The following PHF21A variants were observed in gnomAD, a reference collection of about 807,000 sequenced individuals.
The protein encoded by PHF21A is BHC80a.
PHF21A carries 11 observed loss-of-function variants against 82.5 expected under a neutral mutation model. The observed-to-expected ratio is 0.13, with a 90% confidence interval of 0.08 to 0.22. The LOEUF (loss-of-function observed/expected upper bound fraction) is 0.22. Ranked by LOEUF, PHF21A falls within the 10% of genes least tolerant of loss-of-function variation. The pLI is 1.00. For synonymous variants in PHF21A, 297 were observed against 302.8 expected (o/e 0.98, Z 0.20); for missense variants, 579 against 837.8 (o/e 0.69, Z 3.81).
At chr11:46,070,866 T>C (rs965129878) in intron 6 of PHF21A, among the ~76,000 whole-genome samples, 2 of 152,230 alleles carry the variant, frequency 1.3e-5, no homozygotes, top group Admixed American at 6.5e-5. Context: ...TGCATATCAA[T>C]ACATCTTCCA....
chr11:46,069,631 A>C (rs1234255483), intron 6 of PHF21A, among the ~76,000 whole-genome samples: 1 of 152,234 alleles, frequency 6.6e-6, no homozygotes, highest in Non-Finnish European at 1.5e-5. Context: ...ATTTCAAAAA[A>C]TATTTGATAG....
At chr11:46,032,959 T>A (rs1391547414) in intron 6 of PHF21A, among the ~76,000 whole-genome samples, 1 of 152,186 alleles carries the variant, frequency 6.6e-6, no homozygotes, top group Non-Finnish European at 1.5e-5. Context: ...TTTTGGTACC[T>A]CTGAATCCCT....
intron 15 of PHF21A, among the ~76,000 whole-genome samples, chr11:45,939,116 G>A (rs935529771): frequency 3.3e-5 from 5 of 152,222 alleles, no homozygotes; most frequent in Admixed American, 2.6e-4. Flanking sequence ...ACAGGCGTGA[G>A]CCACTGCACC....
intron 6 of PHF21A, among the ~76,000 whole-genome samples, chr11:46,033,680 T>C (rs1359473348): frequency 6.6e-6 from 1 of 152,238 alleles, no homozygotes; most frequent in Admixed American, 6.5e-5. Context: ...CCACTAGCCA[T>C]ATATGGCTAT....
chr11:46,103,883 G>A (rs1428497727), intron 1 of PHF21A, among the ~76,000 whole-genome samples: 1 of 152,108 alleles, frequency 6.6e-6, no homozygotes. Flanking sequence ...ATAAGATAGA[G>A]ACATTCGTAA....
At chr11:45,977,832 T>C (rs1421141019) in intron 7 of PHF21A, among the ~76,000 whole-genome samples, 1 of 151,736 alleles carries the variant, frequency 6.6e-6, no homozygotes, top group Non-Finnish European at 1.5e-5. Context: ...TTTCTTTTTT[T>C]TCTTCTTCTT....
intron 7 of PHF21A, among the ~76,000 whole-genome samples, chr11:45,972,598 C>T (rs1241990704): frequency 6.6e-6 from 1 of 151,828 alleles, no homozygotes; most frequent in Non-Finnish European, 1.5e-5. Flanking sequence ...GTCAACATGG[C>T]GAAAGCCCGT....
At chr11:46,014,349 CT>C (rs1245678064) in intron 6 of PHF21A, among the ~76,000 whole-genome samples, 2 of 152,140 alleles carry the variant, frequency 1.3e-5, no homozygotes, top group East Asian at 3.8e-4. Context: ...TTATGTTGTT[CT>C]TTTTTATGGC....
At chr11:45,999,380 G>A (rs1053870642) in intron 6 of PHF21A, among the ~76,000 whole-genome samples, 3 of 152,170 alleles carry the variant, frequency 2.0e-5, no homozygotes, top group Non-Finnish European at 4.4e-5. Flanking sequence ...AAGTTTCCCT[G>A]CTAGTGGTTG....
At chr11:46,089,395 A>C (rs559643942) in intron 3 of PHF21A, among the ~76,000 whole-genome samples, 8 of 152,322 alleles carry the variant, frequency 5.3e-5, no homozygotes, top group Middle Eastern at 3.4e-3. Context: ...TAAAAACTTT[A>C]ACATTTATTA....
chr11:45,990,935 C>T (rs937142902), intron 6 of PHF21A, among the ~76,000 whole-genome samples: 7 of 152,194 alleles, frequency 4.6e-5, no homozygotes, highest in African/African-American at 1.7e-4. Context: ...TGATGCTGTA[C>T]ATTCCATGGA....
In PHF21A at chr11:45,930,140, A is replaced by G. The variant is rs2087530916; in HGVS notation, c.*3828T>C. 6.6e-6 allele frequency: 1 copy of G among 152,320 alleles called. No homozygotes were observed. The highest frequency in any genetic ancestry group is 1.5e-5 in the Non-Finnish European group (1 of 68,102). 9.4% of individuals were successfully genotyped at this position (152,320 alleles called of 1,614,324 possible). A position where few individuals can be genotyped will look rare whatever the true frequency, so the allele number is the denominator to read the frequency against. On this transcript the variant is annotated 3_prime_UTR_variant, in exon 19 of 19. Transcript: ENST00000676320. ...TATAAGAGAATGAAGAGAGGAAACC[A>G]CTGAAGAGTGTGTGTGAGCTGGGAG...
chr11:45,938,078 TC>T (rs1350463102), intron 16 of PHF21A, 78 bp downstream of exon 16: 10 of 1,267,406 alleles, frequency 7.9e-6, no homozygotes, highest in Non-Finnish European at 9.8e-6. Flanking sequence ...GACTGCCATT[TC>T]CCCGGGAAAG....
chr11:46,118,874 G>T (rs1258875866), intron 1 of PHF21A: 1 of 152,140 alleles, frequency 6.6e-6, no homozygotes, highest in East Asian at 1.9e-4. Flanking sequence ...AAGCAAAGCT[G>T]ACCTATTTAT....
chr11:46,100,663 C>T (rs2097082974), intron 1 of PHF21A, among the ~76,000 whole-genome samples: 1 of 152,134 alleles, frequency 6.6e-6, no homozygotes, highest in Non-Finnish European at 1.5e-5. Context: ...GGTTTACATG[C>T]ACAACTTTCA....
chr11:45,938,655 G>T (rs533979175), intron 15 of PHF21A, among the ~76,000 whole-genome samples: 1 of 152,106 alleles, frequency 6.6e-6, no homozygotes, highest in Non-Finnish European at 1.5e-5. Context: ...CACAATAAGA[G>T]ATTAACAACA....
intron 1 of PHF21A, among the ~76,000 whole-genome samples, chr11:46,096,981 T>C (rs2097006978): frequency 6.6e-6 from 1 of 152,040 alleles, no homozygotes; most frequent in Non-Finnish European, 1.5e-5. Flanking sequence ...CTAAAAGTCA[T>C]CTTAAGACTC....
chr11:46,037,982 C>G (rs2096050342), intron 6 of PHF21A, among the ~76,000 whole-genome samples: 1 of 151,918 alleles, frequency 6.6e-6, no homozygotes, highest in Non-Finnish European at 1.5e-5. Flanking sequence ...TTTTCTCTAC[C>G]AAATTTCCAT....
intron 6 of PHF21A, among the ~76,000 whole-genome samples, chr11:45,992,553 G>C (rs369554287): frequency 6.6e-6 from 1 of 152,060 alleles, no homozygotes; most frequent in African/African-American, 2.4e-5. Flanking sequence ...TCTCAAAAAA[G>C]AAAATTTTTT....
Sources: allele counts gnomAD v4.1 joint callset (sites outside exome capture counted in the v4.1 genomes callset), GRCh38; gene constraint gnomAD v4.1.1; transcripts MANE v1.5; gene names NCBI Gene and HGNC (gene_info 2026-07-23, HGNC 2026-07-21).